The following ELF3 variants were observed in gnomAD, a reference collection of about 807,000 sequenced individuals.
ELF3 encodes ETS-related transcription factor Elf-3.
In ELF3, 18 loss-of-function variants were observed where a neutral mutation model predicts 43.9. That is an observed-to-expected ratio of 0.41 (90% CI 0.28 to 0.61). The LOEUF is 0.61. ELF3 is among the 20% of genes least tolerant of loss of function. ELF3 has a pLI of 0.30. For missense variants in ELF3, 373 were observed against 487.7 expected (o/e 0.76, Z 2.21); for synonymous variants, 181 against 190.2 (o/e 0.95, Z 0.40).
At position 202,012,467 on chromosome 1, in the gene ELF3, G is replaced by A; in HGVS notation, c.478+31G>A. 2 of 1,611,222 alleles carry A rather than the reference G, an allele frequency of 1.2e-6. No homozygotes were observed. The highest frequency in any genetic ancestry group is 1.7e-6 in the Non-Finnish European group (2 of 1,178,504). ...AACCCGTTTTCTCCTTCCTTCCCCA[G>A]CCTGTCTTGTCCCATCCCTGCCCCT... is the stretch of plus-strand genomic sequence containing the variant. On this transcript the variant is annotated intron_variant, in intron 4 of 8. Transcript: ENST00000367284. This position sits in a 1 kb window ranked among gnomAD's most constrained non-coding sequence, Gnocchi z 4.2.
rs1684178823 is a variant in ELF3 at position 202,010,942 on chromosome 1, T to C, written c.-8-187T>C. On this transcript the variant is annotated intron_variant, in intron 1 of 8. Transcript: ENST00000367284. The surrounding 1 kb of genome is among the most constrained non-coding windows in gnomAD (Gnocchi z 4.3). ...TGAGGAGGGAAGCCCAGCTGGAGGC[T>C]CCTGTGGTCCTGCCCTGGTCTGAGA... 3.3e-6 allele frequency: 2 copies of C among 598,696 alleles called. No individual in the cohort carries two copies. Among genetic ancestry groups the C allele is most frequent in the Admixed American group, 3.3e-5 (1 of 30,246 alleles). The allele number at this position is 598,696 out of a possible 1,614,324, so 37.1% of individuals were successfully genotyped here. A position where few individuals can be genotyped will look rare whatever the true frequency, so the allele number is the denominator to read the frequency against.
intron 8 of ELF3, chr1:202,014,915 C>G (rs765950464): frequency 1.2e-5 from 4 of 326,466 alleles, no homozygotes; most frequent in Non-Finnish European, 2.4e-5. Context: ...GCTCCCTGGC[C>G]TTAAAAGTCA....
rs1227040875 is a variant in ELF3, at chr1:202,011,085, C to A, written c.-8-44C>A. 4.4e-6 allele frequency: 7 copies of A among 1,601,576 alleles called. No homozygotes were observed. The Admixed American group carries it at 1.2e-4, about 27-fold the overall frequency. ...GTAGCTGGGAGTGTAAGGAGAGGAC[C>A]CTCGTCCCCTCACCAACCTCATCCT... On this transcript the variant is annotated intron_variant, in intron 1 of 8. Coordinates refer to ENST00000367284, the MANE Select transcript of ELF3 (RefSeq NM_004433.5).
chr1:202,011,704 T>C (rs1684200252), intron 2 of ELF3: 1 of 521,588 alleles, frequency 1.9e-6, no homozygotes, highest in African/African-American at 1.9e-5. Context: ...AAACCCCGTC[T>C]CTACTAAAAA....
rs944561396 is a variant in ELF3 at position 202,016,270 on chromosome 1, G to A, written c.*947G>A. 1.3e-5 allele frequency: 2 copies of A among 152,350 alleles called. No homozygotes were observed. The allele number at this position is 152,350 out of a possible 1,614,324, so 9.4% of individuals were successfully genotyped here. On this transcript the variant is annotated 3_prime_UTR_variant, in exon 9 of 9. Coordinates refer to ENST00000367284, the MANE Select transcript of ELF3 (RefSeq NM_004433.5). ...AAGGACATGAACTCAGAACACTGAG[G>A]TCAGAAGCATCCTGCTGTCATGACA...
At chr1:202,011,525 C>T (rs1022679899) in intron 2 of ELF3, 2 of 546,894 alleles carry the variant, frequency 3.7e-6, no homozygotes, top group African/African-American at 3.9e-5. Context: ...CCTGCCCCTA[C>T]TCTTGGGATG....
rs1351661000 is a variant in ELF3 at position 202,012,951 on chromosome 1, T to G, written c.603T>G (p.Thr201=). ...TACTCTGACCCCGCCCCCCAGGGAC[T>G]GGTGCTTCTCGGAGCTCCCACTCCT... The part of the protein sequence containing the change: ...PGSSDVSTAG[T]GASRSSHSSD... The change falls in exon 6 of 9, where the codon ACT becomes ACG. Residue 201 remains threonine, a synonymous_variant. Coordinates refer to ENST00000367284, the MANE Select transcript of ELF3 (RefSeq NM_004433.5). The surrounding 1 kb of genome is among the most constrained non-coding windows in gnomAD (Gnocchi z 4.2). The G allele has an allele frequency of 2.5e-6, 4 of 1,611,050 alleles. No individual in the cohort carries two copies. The highest frequency in any genetic ancestry group is 1.3e-5 in the African/African-American group (1 of 74,870).
In ELF3 at chr1:202,012,227, G is replaced by A. The variant is rs55666208; in HGVS notation, c.385+49G>A. 6.2e-7 allele frequency: 1 copy of A among 1,606,088 alleles called. No homozygotes were observed. The highest frequency in any genetic ancestry group is 1.1e-5 in the South Asian group (1 of 90,548). ...GGGGAGCAGCTCCACATGTTGAGCT[G>A]AGTCGAGTTCAGTGTGGCCGTAGGC... On this transcript the variant is annotated intron_variant, in intron 3 of 8. Transcript: ENST00000367284. This position sits in a 1 kb window ranked among gnomAD's most constrained non-coding sequence, Gnocchi z 4.2.
In ELF3 at chr1:202,013,257, A is replaced by G; in HGVS notation, c.764A>G (p.Lys255Arg). The change falls in exon 7 of 9, where the codon AAA becomes AGA. Residue 255 changes from lysine (K) to arginine (R), a missense_variant. By Grantham distance (26) the Lys-to-Arg change is conservative (BLOSUM62 2). This residue lies in a region of ELF3 where 311 missense variants were observed against 351.2 expected (regional missense o/e 0.89). Transcript: ENST00000367284. The surrounding 1 kb of genome is among the most constrained non-coding windows in gnomAD (Gnocchi z 5.7). ...RKRGRPRKLS[K>R]EYWDCLEGKK... ...CGAGGCCGGCCCCGAAAGCTGAGCA[A>G]AGAGTACTGGGACTGTCTCGAGGGC... The G allele has an allele frequency of 6.2e-7, 1 of 1,614,184 alleles. No homozygotes were observed. The highest frequency in any genetic ancestry group is 1.6e-4 in the Middle Eastern group (1 of 6,062).
Position 202,013,916 on chromosome 1 carries a change from G to A in ELF3, c.893G>A (p.Arg298Gln), listed in dbSNP as rs778191104. ...LNEGLMKWEN[R>Q]HEGVFKFLRS... is the part of the protein sequence containing the mutation. The stretch of plus-strand genomic sequence containing the variant: ...GAGGGCCTCATGAAGTGGGAGAATC[G>A]GCATGAAGGCGTCTTCAAGTTCCTG... Residue 298 changes from arginine (R) to glutamine (Q), a missense_variant, in exon 8 of 9, where the codon CGG (arginine) becomes CAG (glutamine). This residue lies in a region of ELF3 where 61 missense variants were observed against 115.9 expected (regional missense o/e 0.53). Transcript: ENST00000367284. The surrounding 1 kb of genome is among the most constrained non-coding windows in gnomAD (Gnocchi z 5.7). 1.2e-6 allele frequency: 2 copies of A among 1,614,090 alleles called. No individual in the cohort carries two copies. The highest frequency in any genetic ancestry group is 2.2e-5 in the East Asian group (1 of 44,874).
intron 2 of ELF3, chr1:202,011,655 T>G: frequency 2.1e-6 from 1 of 469,616 alleles, no homozygotes; most frequent in Non-Finnish European, 3.8e-6. Flanking sequence ...GCGGATCACC[T>G]GAGGTCAAGA....
At chr1:202,014,639 G>T (rs1043617673) in intron 8 of ELF3, among the ~76,000 whole-genome samples, 1 of 151,360 alleles carries the variant, frequency 6.6e-6, no homozygotes, top group African/African-American at 2.4e-5. Context: ...ACAGGGTCTC[G>T]CTCTGTCACC....
chr1:202,011,247 C>T lies in ELF3; in HGVS notation c.111C>T (p.Ala37=), dbSNP rs370795805. The change falls in exon 2 of 9, where the codon GCC becomes GCT. Residue 37 remains alanine, a synonymous_variant. Transcript: ENST00000367284. ...TTCCCCCTGCTGCCACCTTTGGGGC[C>T]GATGACTTGGTACTGACCCTGAGCA... ...ASVPPAATFG[A]DDLVLTLSNP... 27 of 1,612,126 alleles carry T rather than the reference C, an allele frequency of 1.7e-5. No homozygotes were observed. The highest frequency in any genetic ancestry group is 3.3e-4 in the Middle Eastern group (2 of 6,068).
In ELF3 at chr1:202,012,723, G is replaced by T; in HGVS notation, c.562G>T (p.Ala188Ser). The T allele has an allele frequency of 1.3e-6, 2 of 1,597,702 alleles. No homozygotes were observed. The highest frequency in any genetic ancestry group is 1.7e-5 in the Admixed American group (1 of 57,736). ...CCACCCCGGCAGCTGTGGCGCAGGA[G>T]CCCCCTCCCCTGGCAGCTCTGACGT... is the stretch of plus-strand genomic sequence containing the variant. ...PYHPGSCGAGAPSPGSSDVST... is the reference protein window; with the variant it reads ...PYHPGSCGAGSPSPGSSDVST... The change falls in exon 5 of 9, where the codon GCC becomes TCC. Residue 188 changes from alanine (A) to serine (S), a missense_variant. Ala to Ser is a moderately conservative substitution (Grantham distance 99). Transcript: ENST00000367284. This position sits in a 1 kb window ranked among gnomAD's most constrained non-coding sequence, Gnocchi z 4.2.
rs570301487 is a variant in ELF3 at position 202,012,938 on chromosome 1, G to GC, written c.599-3dup. 3.7e-6 allele frequency: 6 copies of GC among 1,604,496 alleles called. No homozygotes were observed. The African/African-American group carries it at 5.4e-5, about 14-fold the overall frequency. ...CCGGCAGGGGACTTACTCTGACCCC[G>GC]CCCCCCAGGGACTGGTGCTTCTCGG... On this transcript the variant is annotated splice_polypyrimidine_tract_variant and intron_variant, in intron 5 of 8. Coordinates refer to ENST00000367284, the MANE Select transcript of ELF3 (RefSeq NM_004433.5). The surrounding 1 kb of genome is among the most constrained non-coding windows in gnomAD (Gnocchi z 4.2).
rs1390717333 is a variant in ELF3, at chr1:202,013,677, T to G, written c.806-152T>G. On this transcript the variant is annotated intron_variant, in intron 7 of 8. Coordinates refer to ENST00000367284, the MANE Select transcript of ELF3 (RefSeq NM_004433.5). This position sits in a 1 kb window ranked among gnomAD's most constrained non-coding sequence, Gnocchi z 5.7. The stretch of plus-strand genomic sequence containing the variant: ...GTGGGCTGAGGAGAAAAGCAGTCAC[T>G]GCAGTACCCGCACAGAGGGCACTGC... 1 of 822,546 alleles carries G rather than the reference T, an allele frequency of 1.2e-6. No homozygotes were observed. The highest frequency in any genetic ancestry group is 1.9e-6 in the Non-Finnish European group (1 of 527,186). 51.0% of individuals were successfully genotyped at this position (822,546 alleles called of 1,614,324 possible).
In ELF3 at chr1:202,013,708, C is replaced by G. The variant is rs1684258088; in HGVS notation, c.806-121C>G. ...ACCCGCACAGAGGGCACTGCGGGGT[C>G]TCTGGAGAGGCTTGCTGCATGCTGT... On this transcript the variant is annotated intron_variant, in intron 7 of 8. Transcript: ENST00000367284. The surrounding 1 kb of genome is among the most constrained non-coding windows in gnomAD (Gnocchi z 5.7). 1.8e-6 allele frequency: 2 copies of G among 1,134,170 alleles called. No homozygotes were observed. The highest frequency in any genetic ancestry group is 1.6e-5 in the African/African-American group (1 of 63,990). 70.3% of individuals were successfully genotyped at this position (1,134,170 alleles called of 1,614,324 possible). A position where few individuals can be genotyped will look rare whatever the true frequency, so the allele number is the denominator to read the frequency against.
Position 202,012,594 on chromosome 1 carries a change from G to A in ELF3, c.479-46G>A. ...CCCATGGGCAGCATCACCTGTCCTG[G>A]TCTGGTCCCCTGAGCCCTCTCTGAG... On this transcript the variant is annotated intron_variant, in intron 4 of 8. Coordinates refer to ENST00000367284, the MANE Select transcript of ELF3 (RefSeq NM_004433.5). This position sits in a 1 kb window ranked among gnomAD's most constrained non-coding sequence, Gnocchi z 4.2. The A allele has an allele frequency of 2.6e-6, 4 of 1,557,618 alleles. No individual in the cohort carries two copies. Among genetic ancestry groups the A allele is most frequent in the Middle Eastern group, 1.7e-4 (1 of 5,786 alleles).
chr1:202,011,784 G>A (rs956062687), intron 2 of ELF3, 173 bp from the exon 3 acceptor site: 15 of 641,414 alleles, frequency 2.3e-5, no homozygotes, highest in South Asian at 1.6e-4. Context: ...GGCTGACGCA[G>A]GAGTATCGCT....
Sources: gnomAD v4.1 joint callset for allele counts (sites outside exome capture counted in the v4.1 genomes callset) on GRCh38, gnomAD v4.1.1 for gene constraint, gnomAD v4.1.1 regional missense constraint, Gnocchi (gnomAD v3.1) non-coding constraint, MANE v1.5 for transcripts, NCBI Gene and HGNC (gene_info 2026-07-23, HGNC 2026-07-21) for gene names.